Variants in GRM8 observed in about 807,000 individuals in gnomAD.
The protein encoded by GRM8 is glutamate metabotropic receptor 8.
A neutral mutation model predicts 87.2 loss-of-function variants in GRM8; 47 were observed. The observed-to-expected ratio is 0.54, with a 90% CI of 0.43 to 0.69. The LOEUF (loss-of-function observed/expected upper bound fraction) is 0.69. Ranked by LOEUF, GRM8 falls within the 30% of genes least tolerant of loss-of-function variation. The probability of loss-of-function intolerance (pLI) is 0.00; values close to 1 mark genes in which losing one functional copy is unlikely to be tolerated. For missense variants in GRM8, 1,019 were observed against 1,139.2 expected (o/e 0.89, Z 1.52); for synonymous variants, 396 against 404.5 (o/e 0.98, Z 0.25).
intron 3 of GRM8, among the ~76,000 whole-genome samples, chr7:127,000,289 G>A (rs974011669): frequency 6.6e-6 from 1 of 151,314 alleles, no homozygotes; most frequent in Non-Finnish European, 1.5e-5. Context: ...TTGTTAATGG[G>A]TGAAAAAAAT....
intron 7 of GRM8, among the ~76,000 whole-genome samples, chr7:126,622,439 A>C (rs1283334070): frequency 1.3e-5 from 2 of 152,038 alleles, no homozygotes; most frequent in African/African-American, 2.4e-5. Context: ...GGCTTGCTTC[A>C]TACGTTTCCA....
At position 126,565,963 on chromosome 7, in the gene GRM8, T is replaced by C. The variant is rs577592100; in HGVS notation, c.1495-32076A>G. 7.2e-5 allele frequency among the ~76,000 whole-genome samples: 11 copies of C among 152,294 alleles called. No homozygotes were observed. In the South Asian group the frequency reaches 2.1e-3, roughly 29 times the overall value. ...GGACAGTCTTTTCAACAAATAGTGTTGGGAAAACTAGATATCCACATGCAC... is the reference window on the plus strand; with the variant it reads ...GGACAGTCTTTTCAACAAATAGTGTCGGGAAAACTAGATATCCACATGCAC... On this transcript the variant is annotated intron_variant, in intron 8 of 10. Transcript: ENST00000339582.
intron 2 of GRM8, among the ~76,000 whole-genome samples, chr7:127,228,159 T>C (rs575682937): frequency 6.6e-6 from 1 of 152,334 alleles, no homozygotes; most frequent in African/African-American, 2.4e-5. Flanking sequence ...GCATGGACTT[T>C]TGAGTCCATC....
chr7:126,611,100 G>A (rs1362571970), intron 7 of GRM8, among the ~76,000 whole-genome samples: 2 of 152,116 alleles, frequency 1.3e-5, no homozygotes, highest in Non-Finnish European at 2.9e-5. Flanking sequence ...TAATTCACAT[G>A]AGAAATGACT....
chr7:126,785,225 T>A (rs1289067424), intron 6 of GRM8, among the ~76,000 whole-genome samples: 1 of 152,192 alleles, frequency 6.6e-6, no homozygotes, highest in Non-Finnish European at 1.5e-5. Context: ...TTTCTAATAG[T>A]CTTCCAATAC....
At chr7:126,580,456 T>C (rs1410843722) in intron 8 of GRM8, among the ~76,000 whole-genome samples, 1 of 152,126 alleles carries the variant, frequency 6.6e-6, no homozygotes, top group African/African-American at 2.4e-5. Context: ...GGCTTTCTTC[T>C]TTTTCCTAAA....
At chr7:126,777,740 TA>T (rs1819633154) in intron 6 of GRM8, among the ~76,000 whole-genome samples, 2 of 152,068 alleles carry the variant, frequency 1.3e-5, no homozygotes, top group Non-Finnish European at 2.9e-5. Flanking sequence ...GAACTACACT[TA>T]AAAAGGAAAA....
intron 7 of GRM8, among the ~76,000 whole-genome samples, chr7:126,647,981 C>T (rs1274900479): frequency 6.6e-6 from 1 of 152,056 alleles, no homozygotes; most frequent in Non-Finnish European, 1.5e-5. Context: ...CTATCACTTC[C>T]AAAACAATGA....
intron 8 of GRM8, among the ~76,000 whole-genome samples, chr7:126,601,208 T>A (rs1039119302): frequency 1.3e-5 from 2 of 151,904 alleles, no homozygotes; most frequent in Admixed American, 1.3e-4. Context: ...TGCGATAGTT[T>A]ACTGAGAATG....
At chr7:126,752,179 TCA>T (rs1161586626) in intron 7 of GRM8, among the ~76,000 whole-genome samples, 1 of 152,024 alleles carries the variant, frequency 6.6e-6, no homozygotes, top group Non-Finnish European at 1.5e-5. Context: ...GCCTGTATTC[TCA>T]GTTACTCAGA....
At chr7:127,245,959 C>T (rs7793635) in intron 1 of GRM8, among the ~76,000 whole-genome samples, 38,962 of 152,056 alleles carry the variant, frequency 0.26, 5,489 homozygotes, top group Middle Eastern at 0.4. Context: ...GTCTGTAATT[C>T]ATTTTCTACT....
In GRM8 at chr7:127,252,740, T is replaced by C. The variant is rs533412822; in HGVS notation, c.-312+57A>G. On this transcript the variant is annotated intron_variant, in intron 1 of 10. Coordinates refer to ENST00000339582, the MANE Select transcript of GRM8 (RefSeq NM_000845.3). The surrounding 1 kb of genome is among the most constrained non-coding windows in gnomAD (Gnocchi z 4.9). ...TGGGGGCCAGGGGCTTTTTGTCCCG[T>C]GGTTCGGCACTTGCTTTCCTCGGAG... 59 of 154,024 alleles carry C rather than the reference T, an allele frequency of 3.8e-4. 1 individual carries two copies. The South Asian group carries it at 5.5e-3, about 14-fold the overall frequency. The allele number at this position is 154,024 out of a possible 1,614,324, so 9.5% of individuals were successfully genotyped here. A position where few individuals can be genotyped will look rare whatever the true frequency, so the allele number is the denominator to read the frequency against.
intron 7 of GRM8, among the ~76,000 whole-genome samples, chr7:126,657,888 G>T (rs552853916): frequency 6.6e-6 from 1 of 152,320 alleles, no homozygotes; most frequent in Admixed American, 6.5e-5. Flanking sequence ...GTATGCATAG[G>T]GGGAGCTCCT....
intron 8 of GRM8, among the ~76,000 whole-genome samples, chr7:126,585,001 A>G (rs1795960821): frequency 6.6e-6 from 1 of 152,204 alleles, no homozygotes; most frequent in East Asian, 1.9e-4. Context: ...TGAAAATAAA[A>G]TGTTATTAAT....
chr7:126,721,291 C>A (rs2151453984), intron 7 of GRM8, among the ~76,000 whole-genome samples: 1 of 152,288 alleles, frequency 6.6e-6, no homozygotes. Context: ...AAACACCATA[C>A]TTTGTCTTAC....
At chr7:127,198,394 A>T (rs1300843735) in intron 2 of GRM8, among the ~76,000 whole-genome samples, 1 of 152,172 alleles carries the variant, frequency 6.6e-6, no homozygotes, top group Non-Finnish European at 1.5e-5. Flanking sequence ...GCCTTAGTCA[A>T]GTTACTGAAC....
intron 3 of GRM8, among the ~76,000 whole-genome samples, chr7:127,026,641 T>C (rs1816808188): frequency 6.6e-6 from 1 of 152,228 alleles, no homozygotes; most frequent in Non-Finnish European, 1.5e-5. Flanking sequence ...GCTGCATAAA[T>C]GTCTTCTTTT....
At chr7:126,594,158 C>T (rs559297589) in intron 8 of GRM8, among the ~76,000 whole-genome samples, 1 of 151,778 alleles carries the variant, frequency 6.6e-6, no homozygotes, top group Non-Finnish European at 1.5e-5. Flanking sequence ...ATTAGTGCAG[C>T]CATTATGGAA....
intron 7 of GRM8, among the ~76,000 whole-genome samples, chr7:126,699,363 T>C (rs1197948950): frequency 6.6e-6 from 1 of 152,200 alleles, no homozygotes; most frequent in African/African-American, 2.4e-5. Context: ...AGAGTTCTGT[T>C]GTGCTAGTTT....
Sources: gnomAD v4.1 joint callset for allele counts (sites outside exome capture counted in the v4.1 genomes callset) on GRCh38, gnomAD v4.1.1 for gene constraint, Gnocchi (gnomAD v3.1) non-coding constraint, MANE v1.5 for transcripts, NCBI Gene and HGNC (gene_info 2026-07-23, HGNC 2026-07-21) for gene names.